SULT1B1: variants seen among roughly 807,000 people sequenced by gnomAD.
The protein encoded by SULT1B1 is sulfotransferase family 1B member 1, also known as sulfotransferase 1B1.
In SULT1B1, 28 loss-of-function variants were observed where a neutral mutation model predicts 34.6. The observed-to-expected ratio is 0.81, with a 90% CI of 0.60 to 1.11. The LOEUF is 1.11. SULT1B1 is among the 50% of genes least tolerant of loss of function. SULT1B1 has a pLI of 0.00. For missense variants in SULT1B1, 374 were observed against 352.2 expected, an observed-to-expected ratio of 1.06 and a Z score of -0.50; for synonymous variants, 147 against 110.2, an observed-to-expected ratio of 1.33 and a Z score of -2.09.
chr4:69,752,586 A>G (rs1719021055), intron 3 of SULT1B1, among the ~76,000 whole-genome samples: 1 of 152,244 alleles, frequency 6.6e-6, no homozygotes, highest in African/African-American at 2.4e-5. Flanking sequence ...CTGGGATTTT[A>G]TATTTGTAAC....
chr4:69,739,024 A>C (rs1333696724), intron 4 of SULT1B1, among the ~76,000 whole-genome samples: 1 of 152,256 alleles, frequency 6.6e-6, no homozygotes, highest in Non-Finnish European at 1.5e-5. Context: ...TAAGAGGTAG[A>C]CTCCCACGAC....
Position 69,755,226 on chromosome 4 carries a change from C to G in SULT1B1, c.-9G>C, listed in dbSNP as rs193034528. 2 of 1,611,942 alleles carry G rather than the reference C, an allele frequency of 1.2e-6. No individual in the cohort carries two copies. Among genetic ancestry groups the G allele is most frequent in the Non-Finnish European group, 1.7e-6 (2 of 1,178,194 alleles). On this transcript the variant is annotated 5_prime_UTR_variant, in exon 2 of 8. Transcript: ENST00000310613. ...TCTTTTGGGGAAAGCATTTTAATAC[C>G]AGATTGTACAAATATATAATAGATT...
chr4:69,734,826 C>T (rs190043318), intron 4 of SULT1B1, among the ~76,000 whole-genome samples: 1 of 116,362 alleles, frequency 8.6e-6, no homozygotes, highest in Admixed American at 9.0e-5. Flanking sequence ...TACTTCGCTA[C>T]TCTTTTTTTT....
intron 5 of SULT1B1, among the ~76,000 whole-genome samples, chr4:69,733,847 A>G (rs935635006): frequency 3.3e-5 from 5 of 152,168 alleles, no homozygotes; most frequent in Non-Finnish European, 1.5e-5. Context: ...GATCTAACTA[A>G]TTGCTTAAGC....
Position 69,730,574 on chromosome 4 carries a change from G to T in SULT1B1, c.705C>A (p.Asp235Glu). The change falls in exon 7 of 8, where the codon GAC becomes GAA. Residue 235 changes from aspartate to glutamate, a missense_variant. By Grantham distance (45) the Asp-to-Glu change is conservative. Coordinates refer to ENST00000310613, the MANE Select transcript of SULT1B1 (RefSeq NM_014465.4). ...IHHTSFEVMK[D>E]NPLVNYTHLP... ...GATGTGTATAATTTACCAAAGGATT[G>T]TCCTTCATCACTTCAAATGAGGTGT... The T allele has an allele frequency of 6.2e-7, 1 of 1,613,138 alleles. No homozygotes were observed.
rs749342294 is a variant in SULT1B1 at position 69,727,170 on chromosome 4, G to A, written c.809C>T (p.Thr270Ile). The change falls in exon 8 of 8, where the codon ACC becomes ATC. Residue 270 changes from threonine (T) to isoleucine (I), a missense_variant. Physicochemically the swap from Thr to Ile is moderately conservative, Grantham distance 89. Coordinates refer to ENST00000310613, the MANE Select transcript of SULT1B1 (RefSeq NM_014465.4). ...ATCAAATTTCTCATTTTGGGCCACG[G>A]TGAAGTAATTCTTCCAGTCACCAGC... is the stretch of plus-strand genomic sequence containing the variant. ...GTAGDWKNYF[T>I]VAQNEKFDAI... 13 of 1,611,032 alleles carry A rather than the reference G, an allele frequency of 8.1e-6. No individual in the cohort carries two copies. The highest frequency in any genetic ancestry group is 1.1e-5 in the Non-Finnish European group (13 of 1,178,536).
chr4:69,753,482 A>C (rs1324472621), intron 3 of SULT1B1, among the ~76,000 whole-genome samples: 1 of 152,198 alleles, frequency 6.6e-6, no homozygotes, highest in African/African-American at 2.4e-5. Context: ...AAAATGAGAA[A>C]ATGTTTTAAG....
At chr4:69,727,255 T>A in intron 7 of SULT1B1, 55 bp from the exon 8 acceptor site, 1 of 1,427,330 alleles carries the variant, frequency 7.0e-7, no homozygotes, top group Non-Finnish European at 9.6e-7. Flanking sequence ...TAAGAAGAAA[T>A]CAGTATATAC....
intron 1 of SULT1B1, among the ~76,000 whole-genome samples, chr4:69,756,055 T>C (rs1719177325): frequency 6.6e-6 from 1 of 152,194 alleles, no homozygotes; most frequent in Non-Finnish European, 1.5e-5. Flanking sequence ...TCTGCAATGT[T>C]TAATCTGTCT....
In SULT1B1 at chr4:69,727,350, A is replaced by G. The variant is rs900118153; in HGVS notation, c.779-150T>C. 6 of 485,092 alleles carry G rather than the reference A, an allele frequency of 1.2e-5. No individual in the cohort carries two copies. The Admixed American group carries it at 1.7e-4, about 14-fold the overall frequency. 30.0% of individuals were successfully genotyped at this position (485,092 alleles called of 1,614,324 possible). On this transcript the variant is annotated intron_variant, in intron 7 of 7. Transcript: ENST00000310613. ...CAGTCTTTAAATTGTATTAACCTTT[A>G]AATTTTTCAGGCTTTTAAAATTTGA...
intron 4 of SULT1B1, among the ~76,000 whole-genome samples, chr4:69,737,522 T>A (rs2110021374): frequency 6.6e-6 from 1 of 152,282 alleles, no homozygotes; most frequent in Non-Finnish European, 1.5e-5. Flanking sequence ...TGATGCGGTG[T>A]TCAGTTTATG....
Position 69,745,842 on chromosome 4 carries a change from G to T in SULT1B1, c.375+3879C>A, listed in dbSNP as rs575314250. Among the ~76,000 whole-genome samples the T allele has an allele frequency of 1.2e-4, 18 of 152,212 alleles. No individual in the cohort carries two copies. In the South Asian group the frequency reaches 3.7e-3, roughly 32 times the overall value. On this transcript the variant is annotated intron_variant, in intron 4 of 7. Coordinates refer to ENST00000310613, the MANE Select transcript of SULT1B1 (RefSeq NM_014465.4). ...ATTTAGGTATGTTTTTGTGGTAGTT[G>T]GTATGTCTTTTGCTTCCATGTTTAG...
At chr4:69,727,272 A>G (rs1717876923) in intron 7 of SULT1B1, 72 bp from the exon 8 acceptor site, 1 of 1,154,306 alleles carries the variant, frequency 8.7e-7, no homozygotes. Flanking sequence ...ATACCAAAGG[A>G]AAAGATTAGA....
At position 69,755,083 on chromosome 4, in the gene SULT1B1, A is replaced by C; in HGVS notation, c.135T>G (p.Thr45=). 1 of 1,613,060 alleles carries C rather than the reference A, an allele frequency of 6.2e-7. No homozygotes were observed. Among genetic ancestry groups the C allele is most frequent in the Non-Finnish European group, 8.5e-7 (1 of 1,179,160 alleles). The part of the protein sequence containing the change: ...HSRPDDIVIA[T]YPKSGTTWVS... ...CACAGAACTCACCTGATTTAGGATA[A>C]GTGGCTATCACAATGTCATCTGGTC... is the stretch of plus-strand genomic sequence containing the variant. Residue 45 remains threonine (T), a synonymous_variant, in exon 2 of 8, where the codon ACT becomes ACG. Coordinates refer to ENST00000310613, the MANE Select transcript of SULT1B1 (RefSeq NM_014465.4).
At position 69,755,208 on chromosome 4, in the gene SULT1B1, G is replaced by A. The variant is rs752215080; in HGVS notation, c.10C>T (p.Pro4Ser). The A allele has an allele frequency of 2.0e-5, 33 of 1,612,986 alleles. No homozygotes were observed. Among genetic ancestry groups the A allele is most frequent in the Non-Finnish European group, 2.5e-5 (29 of 1,179,194 alleles). The change falls in exon 2 of 8, where the codon CCA becomes TCA. Residue 4 changes from proline (P) to serine (S), a missense_variant. Coordinates refer to ENST00000310613, the MANE Select transcript of SULT1B1 (RefSeq NM_014465.4). MLS[P>S]KDILRKDLKL... Reference sequence around the variant, plus strand: ...AGATCTTTTCGCAGAATATCTTTTGGGGAAAGCATTTTAATACCAGATTGT... The same window carrying A: ...AGATCTTTTCGCAGAATATCTTTTGAGGAAAGCATTTTAATACCAGATTGT...
intron 3 of SULT1B1, among the ~76,000 whole-genome samples, chr4:69,751,597 G>T (rs185869863): frequency 0.014 from 2,183 of 152,198 alleles, 45 homozygotes; most frequent in African/African-American, 0.051. Flanking sequence ...GACTACCGGC[G>T]CCCGCCACCA....
In SULT1B1 at chr4:69,723,346, A is replaced by C. The variant is rs978972561; in HGVS notation, c.*3742T>G. On this transcript the variant is annotated 3_prime_UTR_variant, in exon 8 of 8. Coordinates refer to ENST00000310613, the MANE Select transcript of SULT1B1 (RefSeq NM_014465.4). Reference sequence around the variant, plus strand: ...CCAGGAAGAAGTTGAATCTCTGAATAGAAAAATAACATGCTCTGAAATAGA... The same window carrying C: ...CCAGGAAGAAGTTGAATCTCTGAATCGAAAAATAACATGCTCTGAAATAGA... The C allele has an allele frequency of 2.0e-5, 3 of 152,242 alleles. No homozygotes were observed. Among genetic ancestry groups the C allele is most frequent in the Non-Finnish European group, 4.4e-5 (3 of 68,056 alleles). 9.4% of individuals were successfully genotyped at this position (152,242 alleles called of 1,614,324 possible).
At chr4:69,730,428 C>A in intron 7 of SULT1B1, 73 bp downstream of exon 7, 1 of 1,387,070 alleles carries the variant, frequency 7.2e-7, no homozygotes, top group Non-Finnish European at 9.9e-7. Context: ...GTAGAGATCA[C>A]AGAACTAATC....
In SULT1B1 at chr4:69,730,795, C is replaced by T. The variant is rs190974162; in HGVS notation, c.598-114G>A. The T allele has an allele frequency of 3.9e-4, 355 of 903,892 alleles. 2 individuals are homozygous for T. The African/African-American group carries it at 5.6e-3, about 14-fold the overall frequency. 56.0% of individuals were successfully genotyped at this position (903,892 alleles called of 1,614,324 possible). ...TTGACTCTGAATAGTATAGGAAATC[C>T]ATATTTGTTTGGGTTTTTCTCAATT... is the stretch of plus-strand genomic sequence containing the variant. On this transcript the variant is annotated intron_variant, in intron 6 of 7. Transcript: ENST00000310613.
Sources: allele counts gnomAD v4.1 joint callset (sites outside exome capture counted in the v4.1 genomes callset), GRCh38; gene constraint gnomAD v4.1.1; transcripts MANE v1.5; gene names NCBI Gene and HGNC (gene_info 2026-07-23, HGNC 2026-07-21).